The following HORMAD2 variants were observed in gnomAD, a reference collection of about 807,000 sequenced individuals.
The protein encoded by HORMAD2 is HORMA domain-containing protein 2.
A neutral mutation model predicts 38.8 loss-of-function variants in HORMAD2; 45 were observed. That is an observed-to-expected ratio of 1.16 (90% confidence interval 0.91 to 1.49). The LOEUF is 1.49. HORMAD2 is among the 40% of genes most tolerant of loss of function. HORMAD2 has a pLI of 0.00. For synonymous variants in HORMAD2, 126 were observed against 122.8 expected, an observed-to-expected ratio of 1.03 and a Z score of -0.17; for missense variants, 338 against 367.0, an observed-to-expected ratio of 0.92 and a Z score of 0.65.
chr22:30,202,839 C>T, the HORMAD2 span, among the ~76,000 whole-genome samples: 5 of 152,176 alleles, frequency 3.3e-5, no homozygotes, highest in Non-Finnish European at 5.9e-5. Context: ...AAGGGAGAGG[C>T]CTCCACTCTC....
intron 3 of HORMAD2, among the ~76,000 whole-genome samples, chr22:30,100,383 C>T (rs544106919): frequency 2.6e-4 from 40 of 152,116 alleles, no homozygotes; most frequent in African/African-American, 7.2e-4. Context: ...GCTAGCCATA[C>T]GCAGAAAACC....
chr22:30,143,805 G>A (rs752365277), intron 10 of HORMAD2, among the ~76,000 whole-genome samples: 2 of 152,114 alleles, frequency 1.3e-5, no homozygotes, highest in Admixed American at 6.6e-5. Context: ...TGGGTCATGG[G>A]TGCAGATCCC....
At chr22:30,080,228 T>G (rs2068443657), upstream of HORMAD2, 1 of 152,392 alleles carries the variant, frequency 6.6e-6, no homozygotes, top group Non-Finnish European at 1.5e-5. Context: ...GTCGGGTCAG[T>G]GTGCAGCCCG....
At chr22:30,203,156 A>G in the HORMAD2 span, among the ~76,000 whole-genome samples, 2 of 152,194 alleles carry the variant, frequency 1.3e-5, no homozygotes, top group Non-Finnish European at 2.9e-5. Context: ...GCACTTTGGG[A>G]GGCCGAGGCG....
chr22:30,198,536 A>G, the HORMAD2 span, among the ~76,000 whole-genome samples: 10 of 151,206 alleles, frequency 6.6e-5, no homozygotes, highest in Admixed American at 5.3e-4. Flanking sequence ...TCTCCAGCTG[A>G]TTATAATGTG....
rs543442243 is a variant in HORMAD2, at chr22:30,125,988, A to G, written c.819+3774A>G. 5.3e-5 allele frequency among the ~76,000 whole-genome samples: 8 copies of G among 152,258 alleles called. No homozygotes were observed. In the East Asian group the frequency reaches 1.3e-3, roughly 26 times the overall value. On this transcript the variant is annotated intron_variant, in intron 10 of 10. Coordinates refer to ENST00000336726, the MANE Select transcript of HORMAD2 (RefSeq NM_152510.4). ...CTTGCTTTGTCTTTGTCACAACCCTACTGAATAAATATGTGAAATCAGCAC... is the reference window on the plus strand; with the variant it reads ...CTTGCTTTGTCTTTGTCACAACCCTGCTGAATAAATATGTGAAATCAGCAC...
intron 6 of HORMAD2, 69 bp downstream of exon 6, chr22:30,111,885 T>G (rs1921690149): frequency 4.0e-6 from 5 of 1,237,212 alleles, no homozygotes; most frequent in Non-Finnish European, 4.5e-6. Context: ...AGTGAAACAT[T>G]AAAACAGTAC....
At chr22:30,173,090 T>G (rs1926216570) in intron 10 of HORMAD2, among the ~76,000 whole-genome samples, 1 of 151,816 alleles carries the variant, frequency 6.6e-6, no homozygotes, top group Admixed American at 6.6e-5. Context: ...GAGCAAAGCG[T>G]GGGAGTGGGC....
chr22:30,142,749 G>A (rs1238094144), intron 10 of HORMAD2, among the ~76,000 whole-genome samples: 1 of 151,992 alleles, frequency 6.6e-6, no homozygotes, highest in Non-Finnish European at 1.5e-5. Context: ...TGTGTTTATT[G>A]TACCTCTATT....
At chr22:30,131,482 T>C (rs1209838531) in intron 10 of HORMAD2, among the ~76,000 whole-genome samples, 5 of 152,218 alleles carry the variant, frequency 3.3e-5, no homozygotes, top group Non-Finnish European at 7.4e-5. Flanking sequence ...TAACTAGAAA[T>C]CTTGATCCAG....
intron 10 of HORMAD2, among the ~76,000 whole-genome samples, chr22:30,172,295 G>A (rs901832690): frequency 1.3e-5 from 2 of 152,186 alleles, no homozygotes; most frequent in African/African-American, 4.8e-5. Context: ...CAAACACCTA[G>A]AAGAGTGCCA....
intron 10 of HORMAD2, among the ~76,000 whole-genome samples, chr22:30,167,424 C>T (rs997975212): frequency 6.6e-6 from 1 of 152,246 alleles, no homozygotes; most frequent in South Asian, 2.1e-4. Context: ...TCCAATTTGC[C>T]TGGAGTTAGG....
intron 10 of HORMAD2, among the ~76,000 whole-genome samples, chr22:30,170,612 T>G (rs1456266888): frequency 6.6e-6 from 1 of 152,068 alleles, no homozygotes; most frequent in Non-Finnish European, 1.5e-5. Context: ...TTTCCATGTC[T>G]TTTCATGTTT....
chr22:30,120,107 A>C (rs936221888), intron 8 of HORMAD2, among the ~76,000 whole-genome samples: 8 of 152,224 alleles, frequency 5.3e-5, no homozygotes, highest in African/African-American at 1.9e-4. Context: ...TTCTGAAGGC[A>C]CATATGCCAA....
downstream of HORMAD2, among the ~76,000 whole-genome samples, chr22:30,179,761 T>G (rs1926623943): frequency 6.6e-6 from 1 of 152,180 alleles, no homozygotes; most frequent in Admixed American, 6.5e-5. Context: ...TAGAGGATGT[T>G]GAGAAAGGGA....
At chr22:30,201,323 C>CCT in the HORMAD2 span, among the ~76,000 whole-genome samples, 1 of 152,160 alleles carries the variant, frequency 6.6e-6, no homozygotes, top group Admixed American at 6.5e-5. Flanking sequence ...GGCCTACTCT[C>CCT]CTCCAGTATA....
chr22:30,111,844 G>A, intron 6 of HORMAD2, 28 bp downstream of exon 6: 1 of 1,546,286 alleles, frequency 6.5e-7, no homozygotes, highest in Non-Finnish European at 8.8e-7. Flanking sequence ...TAAAGACCAA[G>A]CCTCTGTCTC....
At chr22:30,183,135 C>T in the HORMAD2 span, among the ~76,000 whole-genome samples, 3 of 152,004 alleles carry the variant, frequency 2.0e-5, no homozygotes, top group East Asian at 5.8e-4. Context: ...AGCATGGGTA[C>T]GCCAAGGAGG....
At chr22:30,163,027 A>T (rs1925549351) in intron 10 of HORMAD2, among the ~76,000 whole-genome samples, 2 of 152,136 alleles carry the variant, frequency 1.3e-5, no homozygotes, top group Admixed American at 1.3e-4. Context: ...AAAATCACAA[A>T]TGCAATAATA....
Sources: allele counts gnomAD v4.1 joint callset (sites outside exome capture counted in the v4.1 genomes callset), GRCh38; gene constraint gnomAD v4.1.1; transcripts MANE v1.5; gene names NCBI Gene and HGNC (gene_info 2026-07-23, HGNC 2026-07-21).